MARF1: variants seen among roughly 807,000 people sequenced by gnomAD.
The protein encoded by MARF1 is limkain-b1.
A neutral mutation model predicts 168.2 loss-of-function variants in MARF1; 24 were observed. The ratio of observed to expected loss-of-function variants is 0.14; its 90% CI spans 0.10 to 0.20. MARF1 has a LOEUF of 0.20. MARF1 is among the 10% of genes least tolerant of loss of function. The probability of loss-of-function intolerance (pLI) is 1.00; values close to 1 mark genes in which losing one functional copy is unlikely to be tolerated. For missense variants in MARF1, 1,744 were observed against 2,143.6 expected, an observed-to-expected ratio of 0.81 and a Z score of 3.68; for synonymous variants, 868 against 822.4, an observed-to-expected ratio of 1.06 and a Z score of -0.95.
intron 5 of MARF1, among the ~76,000 whole-genome samples, chr16:15,631,878 G>A (rs1255089792): frequency 2.0e-5 from 3 of 152,110 alleles, no homozygotes; most frequent in Non-Finnish European, 4.4e-5. Context: ...TTAGTTTGCT[G>A]AGAATAATGA....
intron 16 of MARF1, among the ~76,000 whole-genome samples, chr16:15,614,118 A>T (rs2033829788): frequency 6.6e-6 from 1 of 152,192 alleles, no homozygotes; most frequent in African/African-American, 2.4e-5. Context: ...CGTGGACCAA[A>T]ATGACTTTCG....
intron 20 of MARF1, 151 bp from the exon 21 acceptor site, chr16:15,608,669 G>C (rs1044231528): frequency 4.8e-6 from 3 of 619,180 alleles, no homozygotes; most frequent in Non-Finnish European, 8.5e-6. Flanking sequence ...AAAAAGTTCA[G>C]AAGATCGGTT....
intron 9 of MARF1, 23 bp from the exon 10 acceptor site, chr16:15,624,950 G>C: frequency 1.2e-6 from 2 of 1,613,908 alleles, no homozygotes; most frequent in African/African-American, 1.3e-5. Context: ...GAAAATTGAA[G>C]GCAAAAGGTC....
rs1160999754 is a variant in MARF1, at chr16:15,595,760, G to A, written c.*933C>T. The A allele has an allele frequency of 6.6e-6, 1 of 152,162 alleles. No individual in the cohort carries two copies. The highest frequency in any genetic ancestry group is 1.5e-5 in the Non-Finnish European group (1 of 68,034). 9.4% of individuals were successfully genotyped at this position (152,162 alleles called of 1,614,324 possible). The stretch of plus-strand genomic sequence containing the variant: ...TAGGTAGAATTCCTGTCTCTTCCCA[G>A]TGGAAATCGTATTGATCCCGCTGCT... On this transcript the variant is annotated 3_prime_UTR_variant, in exon 27 of 27. Transcript: ENST00000396368.
intron 19 of MARF1, chr16:15,610,658 G>A (rs190061624): frequency 2.9e-3 from 663 of 231,598 alleles, no homozygotes; most frequent in Non-Finnish European, 4.8e-3. Context: ...CAACAGGCAC[G>A]GTGACAGATT....
At chr16:15,601,716 G>A in intron 23 of MARF1, 1 of 534,196 alleles carries the variant, frequency 1.9e-6, no homozygotes, top group East Asian at 3.2e-5. Context: ...CTAGTTGCCT[G>A]CTTGGGGGTC....
At chr16:15,624,530 A>G (rs1212771758) in intron 10 of MARF1, among the ~76,000 whole-genome samples, 1 of 152,118 alleles carries the variant, frequency 6.6e-6, no homozygotes. Context: ...ACTCTCCAAC[A>G]GGCTTCTCTT....
At chr16:15,622,742 T>C (rs1039641781) in intron 11 of MARF1, among the ~76,000 whole-genome samples, 192 bp downstream of exon 11, 1 of 152,174 alleles carries the variant, frequency 6.6e-6, no homozygotes, top group African/African-American at 2.4e-5. Flanking sequence ...GGCGTCTTGC[T>C]CTCTGGGGCT....
intron 21 of MARF1, among the ~76,000 whole-genome samples, chr16:15,607,562 C>T (rs1256617802): frequency 6.6e-6 from 1 of 152,164 alleles, no homozygotes; most frequent in Non-Finnish European, 1.5e-5. Context: ...AAAAACCCCA[C>T]AGTGGGAAGG....
At chr16:15,634,630 T>C (rs1034272184) in intron 4 of MARF1, 127 bp downstream of exon 4, 12 of 812,322 alleles carry the variant, frequency 1.5e-5, no homozygotes, top group Non-Finnish European at 2.2e-5. Context: ...AGATATGGAA[T>C]TGGAGACTCA....
At chr16:15,642,706 T>TA (rs1348140592) in intron 1 of MARF1, among the ~76,000 whole-genome samples, 2 of 152,096 alleles carry the variant, frequency 1.3e-5, no homozygotes, top group Non-Finnish European at 2.9e-5. Flanking sequence ...CCTTCTCTCT[T>TA]AACCTTCCAG....
chr16:15,631,118 G>A (rs1029198607), intron 6 of MARF1, among the ~76,000 whole-genome samples: 4 of 151,916 alleles, frequency 2.6e-5, no homozygotes, highest in Non-Finnish European at 4.4e-5. Context: ...CAACAAAAGC[G>A]AAACTCCATC....
chr16:15,607,475 G>A (rs953230777), intron 21 of MARF1, among the ~76,000 whole-genome samples: 3 of 152,184 alleles, frequency 2.0e-5, no homozygotes, highest in Non-Finnish European at 4.4e-5. Context: ...CTTGAACCTG[G>A]GAGGCGGAGG....
rs2032336476 is a variant in MARF1, at chr16:15,600,679, C to G, written c.4649G>C (p.Gly1550Ala). 1 of 1,613,828 alleles carries G rather than the reference C, an allele frequency of 6.2e-7. No homozygotes were observed. Among genetic ancestry groups the G allele is most frequent in the Non-Finnish European group, 8.5e-7 (1 of 1,180,032 alleles). Reference sequence around the variant, plus strand: ...TTTTAACACTACAATTCTCTTATGACCATGTCCTTTTATCCAGACCACCTG... The same window carrying G: ...TTTTAACACTACAATTCTCTTATGAGCATGTCCTTTTATCCAGACCACCTG... ...IPQVVWIKGH[G>A]HKRIVVLKND... Residue 1550 changes from glycine (G) to alanine (A), a missense_variant, in exon 24 of 27, where the codon GGT (glycine) becomes GCT (alanine). This residue lies in a region of MARF1 where 313 missense variants were observed against 337.4 expected (regional missense o/e 0.93). Coordinates refer to ENST00000396368, the MANE Select transcript of MARF1 (RefSeq NM_014647.4).
chr16:15,621,105 C>CAA (rs138653036), intron 12 of MARF1, among the ~76,000 whole-genome samples: 3 of 146,682 alleles, frequency 2.0e-5, no homozygotes, highest in African/African-American at 5.0e-5. Flanking sequence ...AGAACAACAA[C>CAA]AAAAAAAAAA....
intron 26 of MARF1, among the ~76,000 whole-genome samples, chr16:15,598,121 C>T (rs567121496): frequency 6.6e-6 from 1 of 152,278 alleles, no homozygotes; most frequent in South Asian, 2.1e-4. Context: ...ATGGGCCATC[C>T]TCTCCAGAGG....
intron 20 of MARF1, 154 bp from the exon 21 acceptor site, chr16:15,608,672 G>A: frequency 9.7e-6 from 6 of 616,170 alleles, no homozygotes; most frequent in Admixed American, 2.9e-5. Flanking sequence ...AAGTTCAGAA[G>A]ATCGGTTGCA....
intron 13 of MARF1, among the ~76,000 whole-genome samples, chr16:15,620,064 C>T (rs572067610): frequency 6.6e-6 from 1 of 152,264 alleles, no homozygotes; most frequent in African/African-American, 2.4e-5. Context: ...ACTCGGGAGG[C>T]TGAGGCATGA....
chr16:15,603,742 G>C (rs78425942), intron 22 of MARF1, among the ~76,000 whole-genome samples: 2 of 146,042 alleles, frequency 1.4e-5, no homozygotes, highest in Non-Finnish European at 3.0e-5. Flanking sequence ...CTCAATCTTG[G>C]AGCGCCATTC....
Sources: allele counts gnomAD v4.1 joint callset (sites outside exome capture counted in the v4.1 genomes callset), GRCh38; gene constraint gnomAD v4.1.1; regional missense constraint gnomAD v4.1.1; transcripts MANE v1.5; gene names NCBI Gene and HGNC (gene_info 2026-07-23, HGNC 2026-07-21).